Variants in CDCA7L observed in about 807,000 individuals in gnomAD.
The protein encoded by CDCA7L is cell division cycle associated 7 like, also known as cell division cycle-associated 7-like protein.
CDCA7L carries 44 observed loss-of-function variants against 57.4 expected under a neutral mutation model. The ratio of observed to expected loss-of-function variants is 0.77; its 90% CI spans 0.60 to 0.98. The LOEUF (loss-of-function observed/expected upper bound fraction) is 0.98, where lower values mean the gene tolerates loss of function less well. Ranked by LOEUF, CDCA7L falls within the 50% of genes least tolerant of loss-of-function variation. The pLI is 0.00. For missense variants in CDCA7L, 644 were observed against 580.6 expected, an observed-to-expected ratio of 1.11 and a Z score of -1.12; for synonymous variants, 236 against 202.8, an observed-to-expected ratio of 1.16 and a Z score of -1.39.
chr7:21,903,459 G>C (rs144024141), intron 8 of CDCA7L, among the ~76,000 whole-genome samples: 7 of 152,252 alleles, frequency 4.6e-5, no homozygotes, highest in African/African-American at 1.7e-4. Flanking sequence ...ATCAAGGTAT[G>C]AATTTCAGCC....
chr7:21,916,355 C>A (rs145836939), intron 2 of CDCA7L, among the ~76,000 whole-genome samples: 230 of 152,118 alleles, frequency 1.5e-3, no homozygotes, highest in African/African-American at 5.3e-3. Flanking sequence ...AATTGCACCA[C>A]GGGACCACAG....
At chr7:21,917,968 CTGTT>C (rs1785538143) in intron 1 of CDCA7L, among the ~76,000 whole-genome samples, 1 of 152,200 alleles carries the variant, frequency 6.6e-6, no homozygotes, top group Admixed American at 6.5e-5. Context: ...TTTTATGACA[CTGTT>C]TTTTGTTGTT....
At chr7:21,929,391 C>A (rs1225195967) in intron 1 of CDCA7L, among the ~76,000 whole-genome samples, 2 of 151,916 alleles carry the variant, frequency 1.3e-5, no homozygotes, top group African/African-American at 4.9e-5. Flanking sequence ...GAAGAAACTG[C>A]ATCAACTAAC....
intron 1 of CDCA7L, among the ~76,000 whole-genome samples, chr7:21,937,650 A>G (rs1274086224): frequency 3.3e-5 from 5 of 152,054 alleles, no homozygotes; most frequent in African/African-American, 1.2e-4. Context: ...AAAAAAGAAA[A>G]AAAAAAAAAA....
At position 21,901,141 on chromosome 7, in the gene CDCA7L, G is replaced by GTGTATA; in HGVS notation, c.*1175_*1180dup. 1 of 1,613,252 alleles carries GTGTATA rather than the reference G, an allele frequency of 6.2e-7. No homozygotes were observed. Among genetic ancestry groups the GTGTATA allele is most frequent in the Non-Finnish European group, 8.5e-7 (1 of 1,179,358 alleles). ...AACCAAACAGACCTACGAGTGCCCTGTGTATAGAACCAAACTGAGAGGCCC... is the reference window on the plus strand; with the variant it reads ...AACCAAACAGACCTACGAGTGCCCTGTGTATATGTATAGAACCAAACTGAGAGGCCC... On this transcript the variant is annotated 3_prime_UTR_variant, in exon 10 of 10. Coordinates refer to ENST00000406877, the MANE Select transcript of CDCA7L (RefSeq NM_018719.5).
chr7:21,910,354 G>A (rs1462748751), intron 3 of CDCA7L, among the ~76,000 whole-genome samples: 1 of 152,190 alleles, frequency 6.6e-6, no homozygotes, highest in Non-Finnish European at 1.5e-5. Flanking sequence ...GGGCCTCCAG[G>A]CTGGCACAGC....
chr7:21,901,297 G>C lies in CDCA7L; in HGVS notation c.*1025C>G. On this transcript the variant is annotated 3_prime_UTR_variant, in exon 10 of 10. Coordinates refer to ENST00000406877, the MANE Select transcript of CDCA7L (RefSeq NM_018719.5). ...TCTAGCCTCTGCTGGAGTGCAGTGA[G>C]GATTTTCTAGCATGTTGCTGCACTG... 4 of 1,553,182 alleles carry C rather than the reference G, an allele frequency of 2.6e-6. No homozygotes were observed. The highest frequency in any genetic ancestry group is 2.6e-6 in the Non-Finnish European group (3 of 1,150,588).
At chr7:21,932,658 G>C (rs1025897828) in intron 1 of CDCA7L, among the ~76,000 whole-genome samples, 3 of 152,098 alleles carry the variant, frequency 2.0e-5, no homozygotes, top group Non-Finnish European at 2.9e-5. Flanking sequence ...AACTGAATAT[G>C]GATTAAAGAC....
intron 1 of CDCA7L, among the ~76,000 whole-genome samples, chr7:21,932,400 T>C (rs1443116277): frequency 6.6e-6 from 1 of 152,190 alleles, no homozygotes; most frequent in Non-Finnish European, 1.5e-5. Flanking sequence ...GATTTCAATC[T>C]ATACTACAAG....
At position 21,911,540 on chromosome 7, in the gene CDCA7L, C is replaced by T. The variant is rs1583849990; in HGVS notation, c.303+77G>A. ...AAAAATCTTTTCACTTGTGAAGTGA[C>T]TGCTTACAAGTAAAACTCTTTCAGA... On this transcript the variant is annotated intron_variant, in intron 3 of 9. Coordinates refer to ENST00000406877, the MANE Select transcript of CDCA7L (RefSeq NM_018719.5). 6.1e-6 allele frequency: 9 copies of T among 1,480,180 alleles called. No homozygotes were observed. The East Asian group carries it at 1.7e-4, about 27-fold the overall frequency. 91.7% of individuals were successfully genotyped at this position (1,480,180 alleles called of 1,614,324 possible).
At position 21,906,427 on chromosome 7, in the gene CDCA7L, C is replaced by T. The variant is rs752753569; in HGVS notation, c.783G>A (p.Ser261=). The T allele has an allele frequency of 1.3e-5, 21 of 1,610,834 alleles. No individual in the cohort carries two copies. In the Middle Eastern group the frequency reaches 6.6e-4, roughly 51 times the overall value. The part of the protein sequence containing the change: ...SRKKTVRRAF[S]EGQITRRMNP... ...TCATACGCCGCGTGATCTGTCCCTC[C>T]GAGAAGGCCCGCCTCACTGTCTTCT... The change falls in exon 6 of 10, where the codon TCG becomes TCA. Residue 261 remains serine (S), a synonymous_variant. Transcript: ENST00000406877.
intron 1 of CDCA7L, among the ~76,000 whole-genome samples, chr7:21,942,895 T>C (rs2128071934): frequency 6.6e-6 from 1 of 152,372 alleles, no homozygotes; most frequent in East Asian, 1.9e-4. Context: ...GGGAGCACTT[T>C]GCAGCTAAGA....
chr7:21,902,406 T>TTCTAGGCTTGAGAGATTCCACAA, intron 9 of CDCA7L, 54 bp from the exon 10 acceptor site: 4 of 1,538,936 alleles, frequency 2.6e-6, no homozygotes, highest in Non-Finnish European at 3.6e-6. Flanking sequence ...ACAAATGGCA[T>TTCTAGGCTTGAGAGATTCCACAA]TCTAGGCTTG....
intron 1 of CDCA7L, 57 bp downstream of exon 1, chr7:21,945,724 C>T: frequency 6.3e-7 from 1 of 1,598,796 alleles, no homozygotes; most frequent in South Asian, 1.1e-5. Flanking sequence ...GACCGGGTGG[C>T]AAAGGGAAGT....
In CDCA7L at chr7:21,905,482, A is replaced by G. The variant is rs1340494203; in HGVS notation, c.1047+24T>C. 1.9e-6 allele frequency: 3 copies of G among 1,611,222 alleles called. No individual in the cohort carries two copies. The Admixed American group carries it at 5.0e-5, about 27-fold the overall frequency. ...ACCAATGCCTTCGACTCCCAATAAG[A>G]ATGACAATTAATGTATACTTTACCA... On this transcript the variant is annotated intron_variant, in intron 7 of 9. Coordinates refer to ENST00000406877, the MANE Select transcript of CDCA7L (RefSeq NM_018719.5).
chr7:21,945,670 C>T (rs1786502331), intron 1 of CDCA7L, 111 bp downstream of exon 1: 1 of 1,368,944 alleles, frequency 7.3e-7, no homozygotes. Flanking sequence ...GCCAGATCCC[C>T]AGTGCCGCAG....
rs1784908303 is a variant in CDCA7L at position 21,902,099 on chromosome 7, T to TACAG, written c.*219_*222dup. On this transcript the variant is annotated 3_prime_UTR_variant, in exon 10 of 10. Coordinates refer to ENST00000406877, the MANE Select transcript of CDCA7L (RefSeq NM_018719.5). Reference sequence around the variant, plus strand: ...CAGATATTTTTAACAAAGTTCAGCATACAGACAGGTCTGTGCATACATCTA... The same window carrying TACAG: ...CAGATATTTTTAACAAAGTTCAGCATACAGACAGACAGGTCTGTGCATACATCTA... 1 of 547,578 alleles carries TACAG rather than the reference T, an allele frequency of 1.8e-6. No homozygotes were observed. The highest frequency in any genetic ancestry group is 1.9e-5 in the African/African-American group (1 of 53,130). The allele number at this position is 547,578 out of a possible 1,614,324, so 33.9% of individuals were successfully genotyped here. A position where few individuals can be genotyped will look rare whatever the true frequency, so the allele number is the denominator to read the frequency against.
chr7:21,940,474 GA>G (rs1423967714), intron 1 of CDCA7L, among the ~76,000 whole-genome samples: 2 of 152,190 alleles, frequency 1.3e-5, no homozygotes, highest in Non-Finnish European at 2.9e-5. Flanking sequence ...ACCATGCTAA[GA>G]GAGCTGATGA....
At chr7:21,933,311 A>G (rs1344793997) in intron 1 of CDCA7L, among the ~76,000 whole-genome samples, 1 of 152,218 alleles carries the variant, frequency 6.6e-6, no homozygotes, top group Non-Finnish European at 1.5e-5. Flanking sequence ...TTTATACCCA[A>G]AGGATTATAA....
Sources: allele counts gnomAD v4.1 joint callset (sites outside exome capture counted in the v4.1 genomes callset), GRCh38; gene constraint gnomAD v4.1.1; transcripts MANE v1.5; gene names NCBI Gene and HGNC (gene_info 2026-07-23, HGNC 2026-07-21).